The following CRB1 variants were observed in gnomAD, a reference collection of about 807,000 sequenced individuals.
CRB1 encodes crumbs cell polarity complex component 1.
A neutral mutation model predicts 120.0 loss-of-function variants in CRB1; 83 were observed. The observed-to-expected ratio is 0.69, with a 90% CI of 0.58 to 0.83. The LOEUF (loss-of-function observed/expected upper bound fraction) is 0.83. Among genes scored for constraint, CRB1 ranks in the 40% least tolerant of loss-of-function variants. The pLI is 0.00. For missense variants in CRB1, 1,699 were observed against 1,687.6 expected, an observed-to-expected ratio of 1.01 and a Z score of -0.12; for synonymous variants, 625 against 612.5, an observed-to-expected ratio of 1.02 and a Z score of -0.30.
At chr1:197,466,508 G>C (rs1571622489) in intron 11 of CRB1, among the ~76,000 whole-genome samples, 1 of 152,054 alleles carries the variant, frequency 6.6e-6, no homozygotes, top group East Asian at 1.9e-4. Context: ...AAATAAGCTT[G>C]GTGTTCTCAG....
chr1:197,439,846 T>TAAAAGA, intron 10 of CRB1: 1 of 152,318 alleles, frequency 6.6e-6, no homozygotes, highest in South Asian at 2.1e-4. Context: ...AGCTGGCCTC[T>TAAAAGA]TTTGCATCAC....
intron 8 of CRB1, 79 bp from the exon 9 acceptor site, chr1:197,434,627 A>G: frequency 1.6e-6 from 2 of 1,222,564 alleles, no homozygotes; most frequent in East Asian, 4.8e-5. Context: ...TAACACAATG[A>G]TCATTACTAT....
chr1:197,379,887 G>A (rs1484225509), intron 5 of CRB1, among the ~76,000 whole-genome samples: 2 of 152,162 alleles, frequency 1.3e-5, no homozygotes, highest in African/African-American at 4.8e-5. Flanking sequence ...GAGTTACCTA[G>A]ATAATTAGTA....
chr1:197,415,197 G>A (rs1663915087), intron 5 of CRB1, among the ~76,000 whole-genome samples: 1 of 152,172 alleles, frequency 6.6e-6, no homozygotes, highest in African/African-American at 2.4e-5. Context: ...AAATGAGAGT[G>A]TACTGTAAAT....
At chr1:197,444,933 A>ACACACC (rs1553265041) in intron 11 of CRB1, 3 of 149,606 alleles carry the variant, frequency 2.0e-5, no homozygotes, top group African/African-American at 7.4e-5. Context: ...ACACACACAC[A>ACACACC]CCACAGAAGT....
intron 1 of CRB1, among the ~76,000 whole-genome samples, chr1:197,307,025 C>A (rs1657215769): frequency 6.6e-6 from 1 of 152,018 alleles, no homozygotes; most frequent in Non-Finnish European, 1.5e-5. Flanking sequence ...GATATTTTTA[C>A]CTTTATTTTA....
intron 11 of CRB1, among the ~76,000 whole-genome samples, chr1:197,450,784 C>CAAAAAAAAAAAAA (rs71131758): frequency 6.7e-5 from 4 of 59,612 alleles, no homozygotes; most frequent in African/African-American, 8.5e-5. Context: ...ACTAAAAATA[C>CAAAAAAAAAAAAA]AAAAAAAAAA....
At chr1:197,436,032 GAAAACAGTACA>G (rs1665144037) in intron 9 of CRB1, among the ~76,000 whole-genome samples, 1 of 152,012 alleles carries the variant, frequency 6.6e-6, no homozygotes, top group Non-Finnish European at 1.5e-5. Context: ...CTAAAATCCC[GAAAACAGTACA>G]TTAAAGTATA....
intron 11 of CRB1, among the ~76,000 whole-genome samples, chr1:197,453,887 T>A (rs576317746): frequency 1.4e-5 from 2 of 138,550 alleles, no homozygotes; most frequent in South Asian, 2.2e-4. Context: ...ATATATATTA[T>A]TAATATTATT....
intron 10 of CRB1, 63 bp from the exon 11 acceptor site, chr1:197,442,103 C>T (rs1665473238): frequency 1.2e-6 from 2 of 1,610,792 alleles, no homozygotes; most frequent in Non-Finnish European, 1.7e-6. Context: ...ACTTTTTCTT[C>T]CCATTTCACA....
At chr1:197,250,900 T>C in the CRB1 span, among the ~76,000 whole-genome samples, 1 of 152,060 alleles carries the variant, frequency 6.6e-6, no homozygotes, top group Non-Finnish European at 1.5e-5. Context: ...CTTCTGAAAG[T>C]CATTAATCTG....
At chr1:197,453,851 A>C (rs1244750958) in intron 11 of CRB1, among the ~76,000 whole-genome samples, 3 of 142,022 alleles carry the variant, frequency 2.1e-5, no homozygotes, top group South Asian at 2.1e-4. Context: ...CAATATTATT[A>C]TTAATATATA....
intron 5 of CRB1, chr1:197,360,239 T>G (rs1660703288): frequency 6.6e-6 from 1 of 152,216 alleles, no homozygotes; most frequent in Non-Finnish European, 1.5e-5. Context: ...GGGAATATCT[T>G]TCCCTGTTTC....
chr1:197,266,613 C>T (rs1654641938), upstream of CRB1, among the ~76,000 whole-genome samples: 3 of 152,282 alleles, frequency 2.0e-5, no homozygotes, highest in Admixed American at 2.0e-4. Flanking sequence ...GCCATTGACT[C>T]ATTTGTATAA....
At chr1:197,399,903 G>A (rs1662975123) in intron 5 of CRB1, among the ~76,000 whole-genome samples, 2 of 152,156 alleles carry the variant, frequency 1.3e-5, no homozygotes, top group African/African-American at 4.8e-5. Flanking sequence ...CTTCTGGCAA[G>A]GTGGAAGTCA....
intron 3 of CRB1, among the ~76,000 whole-genome samples, chr1:197,346,191 T>C (rs1000524801): frequency 1.3e-5 from 2 of 152,166 alleles, no homozygotes; most frequent in African/African-American, 2.4e-5. Context: ...TGCCTAAATG[T>C]TGAGATGATA....
chr1:197,407,643 G>A (rs976959626), intron 5 of CRB1, among the ~76,000 whole-genome samples: 10 of 152,110 alleles, frequency 6.6e-5, no homozygotes, highest in African/African-American at 1.9e-4. Flanking sequence ...GCAGCTATCT[G>A]AGCCCGATCT....
chr1:197,296,570 A>G (rs1027652703), intron 1 of CRB1, among the ~76,000 whole-genome samples: 1 of 152,094 alleles, frequency 6.6e-6, no homozygotes, highest in African/African-American at 2.4e-5. Context: ...GAAGTGATTT[A>G]TCATTGAGAT....
chr1:197,420,044 C>T (rs921795349), intron 5 of CRB1, among the ~76,000 whole-genome samples: 4 of 149,976 alleles, frequency 2.7e-5, no homozygotes, highest in Non-Finnish European at 4.4e-5. Context: ...GTTAGAAGTG[C>T]TTTGGAACTT....
Sources: gnomAD v4.1 joint callset for allele counts (sites outside exome capture counted in the v4.1 genomes callset) on GRCh38, gnomAD v4.1.1 for gene constraint, MANE v1.5 for transcripts, NCBI Gene and HGNC (gene_info 2026-07-23, HGNC 2026-07-21) for gene names.